HIVEP3: variants seen among roughly 807,000 people sequenced by gnomAD.
HIVEP3 encodes the protein HIVEP zinc finger 3.
In HIVEP3, 49 loss-of-function variants were observed where a neutral mutation model predicts 152.8. The observed-to-expected ratio is 0.32, with a 90% confidence interval of 0.26 to 0.41. The LOEUF (loss-of-function observed/expected upper bound fraction) is 0.41, where lower values mean the gene tolerates loss of function less well. HIVEP3 is among the 10% of genes least tolerant of loss of function. The probability of loss-of-function intolerance (pLI) is 1.00; values close to 1 mark genes in which losing one functional copy is unlikely to be tolerated. For synonymous variants in HIVEP3, 1,269 were observed against 1,289.0 expected (o/e 0.98, Z 0.33); for missense variants, 2,790 against 3,103.3 (o/e 0.90, Z 2.40).
At chr1:41,859,988 C>T (rs909948661) in intron 1 of HIVEP3, among the ~76,000 whole-genome samples, 3 of 152,194 alleles carry the variant, frequency 2.0e-5, no homozygotes, top group African/African-American at 7.2e-5. Context: ...GACAGCAGAA[C>T]TGGATGAGCT....
intron 1 of HIVEP3, among the ~76,000 whole-genome samples, chr1:42,007,237 G>A (rs1422040538): frequency 2.0e-5 from 3 of 152,176 alleles, no homozygotes; most frequent in African/African-American, 4.8e-5. Flanking sequence ...ACATGCCCTC[G>A]AGTGACCGTG....
At chr1:41,842,368 C>T (rs141305819) in intron 1 of HIVEP3, among the ~76,000 whole-genome samples, 21 of 152,280 alleles carry the variant, frequency 1.4e-4, no homozygotes, top group African/African-American at 5.1e-4. Flanking sequence ...AAAGGAGCCT[C>T]GAAGTCATGT....
At chr1:41,654,136 T>C (rs1281905577) in intron 2 of HIVEP3, among the ~76,000 whole-genome samples, 1 of 152,204 alleles carries the variant, frequency 6.6e-6, no homozygotes, top group African/African-American at 2.4e-5. Context: ...TTCTGTCTGT[T>C]ATAGCATCAA....
chr1:41,666,354 A>G (rs1455630073), intron 2 of HIVEP3, among the ~76,000 whole-genome samples: 1 of 152,154 alleles, frequency 6.6e-6, no homozygotes, highest in Non-Finnish European at 1.5e-5. Context: ...GATGCTGTGG[A>G]TAACAGCATG....
At chr1:41,709,062 C>T (rs1646475437) in intron 1 of HIVEP3, among the ~76,000 whole-genome samples, 3 of 152,294 alleles carry the variant, frequency 2.0e-5, no homozygotes, top group Admixed American at 2.0e-4. Flanking sequence ...AGATGTTCCT[C>T]TTCTGCACCC....
chr1:41,620,333 T>A (rs930856546), intron 3 of HIVEP3, among the ~76,000 whole-genome samples: 1 of 152,346 alleles, frequency 6.6e-6, no homozygotes, highest in African/African-American at 2.4e-5. Context: ...TATTTACCCA[T>A]GACATAGTTT....
rs77978572 is a variant in HIVEP3 at position 41,866,064 on chromosome 1, A to G, written c.-801+52349T>C. 3.9e-4 allele frequency among the ~76,000 whole-genome samples: 60 copies of G among 152,306 alleles called. 1 individual carries two copies. Among genetic ancestry groups the G allele is most frequent in the African/African-American group, 1.2e-3 (50 of 41,566 alleles). On this transcript the variant is annotated intron_variant, in intron 1 of 8. Transcript: ENST00000372583. ...TACTGTCCATTAACAAAACAGAGAG[A>G]CGGATAACTATCCAGCCGAGGCCAG...
intron 7 of HIVEP3, among the ~76,000 whole-genome samples, chr1:41,515,764 A>T (rs1159067734): frequency 6.6e-5 from 10 of 152,138 alleles, no homozygotes; most frequent in Admixed American, 6.5e-4. Flanking sequence ...TGGTTTCCTC[A>T]TCTGTAAACT....
chr1:41,840,070 T>C (rs1260568104), intron 1 of HIVEP3, among the ~76,000 whole-genome samples: 1 of 152,168 alleles, frequency 6.6e-6, no homozygotes, highest in Non-Finnish European at 1.5e-5. Flanking sequence ...CCTAAACTGT[T>C]TGGGAATCCT....
intron 1 of HIVEP3, among the ~76,000 whole-genome samples, chr1:41,716,136 T>A (rs904212736): frequency 6.6e-6 from 1 of 152,108 alleles, no homozygotes; most frequent in Non-Finnish European, 1.5e-5. Context: ...TGAGGGCAAG[T>A]CTTAGCCTCT....
At position 41,582,061 on chromosome 1, in the gene HIVEP3, T is replaced by C; in HGVS notation, c.2737A>G (p.Met913Val). The C allele has an allele frequency of 2.5e-6, 4 of 1,614,136 alleles. No individual in the cohort carries two copies. Among genetic ancestry groups the C allele is most frequent in the Non-Finnish European group, 3.4e-6 (4 of 1,180,016 alleles). ...CTGGACTCCCCTGATGATTGGGCCA[T>C]CTCTGCCAGGCGCAACCTCTTCTTT... ...PKKKRLRLAE[M>V]AQSSGESSFE... The change falls in exon 4 of 9, where the codon ATG becomes GTG. Residue 913 changes from methionine to valine, a missense_variant. Around this residue, in one of 9 missense-constraint regions of HIVEP3, gnomAD observed 1,078 missense variants for 1,165.3 expected, o/e 0.93. Transcript: ENST00000372583. This position sits in a 1 kb window ranked among gnomAD's most constrained non-coding sequence, Gnocchi z 4.7.
At chr1:41,653,126 G>C (rs1464699965) in intron 2 of HIVEP3, among the ~76,000 whole-genome samples, 1 of 151,954 alleles carries the variant, frequency 6.6e-6, no homozygotes, top group East Asian at 1.9e-4. Flanking sequence ...AATTTTTTTA[G>C]CTTTGACCTC....
intron 1 of HIVEP3, among the ~76,000 whole-genome samples, chr1:41,748,323 A>C (rs907641): frequency 0.87 from 131,884 of 152,158 alleles, 59,580 homozygotes; most frequent in Non-Finnish European, 1. Flanking sequence ...AGGGGCTAGG[A>C]AGGTGACCAG....
chr1:41,792,562 C>T (rs1174823308), intron 1 of HIVEP3, among the ~76,000 whole-genome samples: 1 of 152,134 alleles, frequency 6.6e-6, no homozygotes, highest in Non-Finnish European at 1.5e-5. Context: ...CTCTTAGCTG[C>T]CACCATCCTG....
At chr1:41,579,287 T>C (rs1201550045) in intron 4 of HIVEP3, among the ~76,000 whole-genome samples, 1 of 152,140 alleles carries the variant, frequency 6.6e-6, no homozygotes, top group African/African-American at 2.4e-5. Flanking sequence ...TACTAGAGAA[T>C]GGAAACAGCA....
intron 3 of HIVEP3, among the ~76,000 whole-genome samples, chr1:41,606,653 C>T (rs995463412): frequency 6.6e-6 from 1 of 151,866 alleles, no homozygotes; most frequent in Non-Finnish European, 1.5e-5. Flanking sequence ...GATGAAATAA[C>T]TCCAGGAGGT....
intron 1 of HIVEP3, among the ~76,000 whole-genome samples, chr1:41,776,490 TCG>T (rs1648712539): frequency 2.0e-5 from 3 of 152,186 alleles, no homozygotes; most frequent in African/African-American, 4.8e-5. Flanking sequence ...GTGGGACATC[TCG>T]GTCTGTCTTT....
chr1:41,770,996 GA>G (rs907857213), intron 1 of HIVEP3, among the ~76,000 whole-genome samples: 36 of 147,806 alleles, frequency 2.4e-4, no homozygotes, highest in African/African-American at 6.4e-4. Flanking sequence ...CTGTTGGGTA[GA>G]AAAAAAAAAT....
chr1:41,954,105 G>A (rs1362552223), intron 1 of HIVEP3, among the ~76,000 whole-genome samples: 2 of 152,198 alleles, frequency 1.3e-5, no homozygotes, highest in African/African-American at 4.8e-5. Context: ...AAGGTTCCAG[G>A]ACATGGAATA....
Sources: allele counts gnomAD v4.1 joint callset (sites outside exome capture counted in the v4.1 genomes callset), GRCh38; gene constraint gnomAD v4.1.1; regional missense constraint gnomAD v4.1.1; non-coding constraint Gnocchi (gnomAD v3.1); transcripts MANE v1.5; gene names NCBI Gene and HGNC (gene_info 2026-07-23, HGNC 2026-07-21).